The following ATP1B3 variants were observed in gnomAD, a reference collection of about 807,000 sequenced individuals.
ATP1B3 encodes the protein ATPase Na+/K+ transporting subunit beta 3.
ATP1B3 carries 10 observed loss-of-function variants against 30.2 expected under a neutral mutation model. That is an observed-to-expected ratio of 0.33 (90% CI 0.20 to 0.56). The LOEUF (loss-of-function observed/expected upper bound fraction) is 0.56. Among genes scored for constraint, ATP1B3 ranks in the 20% least tolerant of loss-of-function variants. ATP1B3 has a pLI of 0.90. For missense variants in ATP1B3, 238 were observed against 336.7 expected (o/e 0.71, Z 2.29); for synonymous variants, 113 against 117.0 (o/e 0.97, Z 0.22).
intron 1 of ATP1B3, among the ~76,000 whole-genome samples, chr3:141,898,559 A>G (rs781341275): frequency 2.0e-4 from 31 of 152,200 alleles, no homozygotes; most frequent in Non-Finnish European, 4.1e-4. Flanking sequence ...GAGATACTAC[A>G]TTGTATCCAC....
Position 141,926,010 on chromosome 3 carries a change from C to CT in ATP1B3, c.*311dup, listed in dbSNP as rs1934653061. On this transcript the variant is annotated 3_prime_UTR_variant, in exon 7 of 7. Transcript: ENST00000286371. ...TGGTTTAATTGCCAAGTGTCTAAAG[C>CT]TTAATATGCCGTGCTATGTAAATAT... 7.5e-6 allele frequency: 2 copies of CT among 267,648 alleles called. No homozygotes were observed. The highest frequency in any genetic ancestry group is 4.4e-5 in the African/African-American group (2 of 45,710). 16.6% of individuals were successfully genotyped at this position (267,648 alleles called of 1,614,324 possible).
intron 1 of ATP1B3, among the ~76,000 whole-genome samples, chr3:141,903,370 G>A (rs1259554413): frequency 5.3e-5 from 8 of 152,080 alleles, no homozygotes; most frequent in Admixed American, 5.2e-4. Context: ...AGTATGAATG[G>A]TGGAAGCTGC....
intron 2 of ATP1B3, among the ~76,000 whole-genome samples, chr3:141,905,194 A>T (rs1208124576): frequency 6.6e-6 from 1 of 152,230 alleles, no homozygotes; most frequent in Non-Finnish European, 1.5e-5. Context: ...AAGAAAGTTC[A>T]GTCCTAGAGG....
chr3:141,879,480 A>T (rs770422548), intron 1 of ATP1B3, among the ~76,000 whole-genome samples: 2 of 152,128 alleles, frequency 1.3e-5, no homozygotes, highest in East Asian at 3.9e-4. Flanking sequence ...TTAAAACCTT[A>T]CATTTTTGGG....
intron 1 of ATP1B3, among the ~76,000 whole-genome samples, chr3:141,890,866 C>G (rs1191923378): frequency 6.6e-6 from 1 of 152,238 alleles, no homozygotes; most frequent in Non-Finnish European, 1.5e-5. Context: ...AGTCACGGCC[C>G]CCAGTCTGTG....
At chr3:141,914,283 A>G (rs951561525) in intron 4 of ATP1B3, among the ~76,000 whole-genome samples, 1 of 152,248 alleles carries the variant, frequency 6.6e-6, no homozygotes, top group South Asian at 2.1e-4. Flanking sequence ...GCATAGTTTT[A>G]TAGTATCAGT....
intron 3 of ATP1B3, among the ~76,000 whole-genome samples, chr3:141,912,412 C>A (rs767739934): frequency 2.0e-5 from 3 of 152,124 alleles, no homozygotes; most frequent in Non-Finnish European, 2.9e-5. Flanking sequence ...GCACCTGCCA[C>A]CGCACCCAGC....
chr3:141,886,974 G>A (rs1199218545), intron 1 of ATP1B3, among the ~76,000 whole-genome samples: 2 of 152,192 alleles, frequency 1.3e-5, no homozygotes, highest in Non-Finnish European at 2.9e-5. Context: ...CTGCACTCCA[G>A]CCTGGTTGAC....
intron 1 of ATP1B3, among the ~76,000 whole-genome samples, chr3:141,902,631 GATCT>G (rs1288160035): frequency 6.6e-6 from 1 of 152,178 alleles, no homozygotes; most frequent in African/African-American, 2.4e-5. Context: ...GTTCAGGATA[GATCT>G]ATCTTAGTGT....
At chr3:141,916,088 AT>A in intron 5 of ATP1B3, 68 bp downstream of exon 5, 1 of 1,404,484 alleles carries the variant, frequency 7.1e-7, no homozygotes. Context: ...AAGTCTAATG[AT>A]TTAGTCATCT....
chr3:141,912,266 C>CTTAT lies in ATP1B3; in HGVS notation c.347-1363_347-1360dup, dbSNP rs144027846. Among the ~76,000 whole-genome samples, 230 of 150,490 alleles carry CTTAT rather than the reference C, an allele frequency of 1.5e-3. 1 individual carries two copies. The highest frequency in any genetic ancestry group is 4.1e-3 in the African/African-American group (166 of 40,218). ...GAGGCATACTCTTTGAAATTTGGTT[C>CTTAT]TTATTTATTTATTTATTTATTTATT... On this transcript the variant is annotated intron_variant, in intron 3 of 6. Transcript: ENST00000286371.
chr3:141,879,972 A>G (rs1933692437), intron 1 of ATP1B3, among the ~76,000 whole-genome samples: 1 of 151,846 alleles, frequency 6.6e-6, no homozygotes, highest in Non-Finnish European at 1.5e-5. Context: ...AAAAAATCAC[A>G]TCTTTTTTGA....
chr3:141,906,317 C>G (rs998763901), intron 2 of ATP1B3, among the ~76,000 whole-genome samples: 2 of 152,042 alleles, frequency 1.3e-5, no homozygotes, highest in Non-Finnish European at 2.9e-5. Flanking sequence ...GTAACTGGGA[C>G]TACAGGCATG....
intron 1 of ATP1B3, among the ~76,000 whole-genome samples, chr3:141,890,637 C>T (rs1425003095): frequency 1.3e-5 from 2 of 148,892 alleles, no homozygotes; most frequent in African/African-American, 5.2e-5. Flanking sequence ...TGGGTTTTGC[C>T]ATGTTGCCCA....
chr3:141,891,452 CTT>C (rs917199051), intron 1 of ATP1B3, among the ~76,000 whole-genome samples: 3 of 152,058 alleles, frequency 2.0e-5, no homozygotes, highest in African/African-American at 7.2e-5. Flanking sequence ...GGGTAAACCT[CTT>C]TTTTGTAAAA....
chr3:141,907,148 C>A lies in ATP1B3; in HGVS notation c.239-19C>A. On this transcript the variant is annotated intron_variant, in intron 2 of 6. Coordinates refer to ENST00000286371, the MANE Select transcript of ATP1B3 (RefSeq NM_001679.4). ...AAGAGAAGGAAATTTGATAATCTCT[C>A]CCTTTTATGTCTTTATAGGACTCAT... is the stretch of plus-strand genomic sequence containing the variant. 1 of 1,542,298 alleles carries A rather than the reference C, an allele frequency of 6.5e-7. No individual in the cohort carries two copies. Among genetic ancestry groups the A allele is most frequent in the Non-Finnish European group, 8.9e-7 (1 of 1,129,282 alleles).
At position 141,876,704 on chromosome 3, in the gene ATP1B3, G is replaced by A; in HGVS notation, c.-98G>A. On this transcript the variant is annotated 5_prime_UTR_variant, in exon 1 of 7. Coordinates refer to ENST00000286371, the MANE Select transcript of ATP1B3 (RefSeq NM_001679.4). ...CTCGGCCGTCCCACCCTTCACTGCC[G>A]TCTCCGGGCTGCGCCGCCGGAGCCG... 6 of 870,568 alleles carry A rather than the reference G, an allele frequency of 6.9e-6. No individual in the cohort carries two copies. In the East Asian group the frequency reaches 1.5e-4, roughly 22 times the overall value. 53.9% of individuals were successfully genotyped at this position (870,568 alleles called of 1,614,324 possible). A position where few individuals can be genotyped will look rare whatever the true frequency, so the allele number is the denominator to read the frequency against.
In ATP1B3 at chr3:141,889,750, A is replaced by AAAAAAT. The variant is rs1553743802; in HGVS notation, c.109+12841_109+12842insAAAATA. ...TCTCAAAAAAAAAAAAAAAAAAAAA[A>AAAAAAT]ATATATACACACACACACACACACA... is the stretch of plus-strand genomic sequence containing the variant. On this transcript the variant is annotated intron_variant, in intron 1 of 6. Coordinates refer to ENST00000286371, the MANE Select transcript of ATP1B3 (RefSeq NM_001679.4). Among the ~76,000 whole-genome samples, 163 of 79,086 alleles carry AAAAAAT rather than the reference A, an allele frequency of 2.1e-3. 13 individuals are homozygous for AAAAAAT. Among genetic ancestry groups the AAAAAAT allele is most frequent in the African/African-American group, 7.3e-3 (153 of 21,070 alleles). The allele number at this position is 79,086 out of a possible 152,430, so 51.9% of individuals were successfully genotyped here. A position where few individuals can be genotyped will look rare whatever the true frequency, so the allele number is the denominator to read the frequency against.
intron 1 of ATP1B3, among the ~76,000 whole-genome samples, chr3:141,899,373 G>A (rs189100689): frequency 6.6e-6 from 1 of 152,228 alleles, no homozygotes; most frequent in East Asian, 1.9e-4. Flanking sequence ...TTTACCAAAT[G>A]GAAATGGTTG....
Sources: allele counts gnomAD v4.1 joint callset (sites outside exome capture counted in the v4.1 genomes callset), GRCh38; gene constraint gnomAD v4.1.1; transcripts MANE v1.5; gene names NCBI Gene and HGNC (gene_info 2026-07-23, HGNC 2026-07-21).